Variants in SPATA13 observed in about 807,000 individuals in gnomAD.
SPATA13 encodes the protein spermatogenesis associated 13, also known as spermatogenesis-associated protein 13.
In SPATA13, 50 loss-of-function variants were observed where a neutral mutation model predicts 104.0. That is an observed-to-expected ratio of 0.48 (90% CI 0.38 to 0.61). The LOEUF is 0.61. Among genes scored for constraint, SPATA13 ranks in the 20% least tolerant of loss-of-function variants. The pLI, the probability that SPATA13 is intolerant of heterozygous loss-of-function variation, is 0.00. For missense variants in SPATA13, 1,524 were observed against 1,690.6 expected (o/e 0.90, Z 1.73); for synonymous variants, 606 against 667.5 (o/e 0.91, Z 1.42).
intron 3 of SPATA13, among the ~76,000 whole-genome samples, chr13:24,152,873 G>A (rs1241247658): frequency 1.3e-5 from 2 of 152,054 alleles, no homozygotes; most frequent in Non-Finnish European, 2.9e-5. Context: ...TCCCTCAAAT[G>A]TTCAGAACTC....
At chr13:24,037,282 A>G (rs996694717) in intron 3 of SPATA13, among the ~76,000 whole-genome samples, 27 of 151,736 alleles carry the variant, frequency 1.8e-4, no homozygotes, top group Admixed American at 1.6e-3. Flanking sequence ...CAGCACACCA[A>G]CATGGCACAT....
At chr13:24,103,486 A>AG (rs1880325862) in intron 3 of SPATA13, among the ~76,000 whole-genome samples, 1 of 145,242 alleles carries the variant, frequency 6.9e-6, no homozygotes, top group South Asian at 2.2e-4. Flanking sequence ...CCCTGTCTCA[A>AG]AAAAAAAAAA....
At chr13:24,035,099 G>A (rs755229971) in intron 3 of SPATA13, 1 of 152,140 alleles carries the variant, frequency 6.6e-6, no homozygotes, top group Non-Finnish European at 1.5e-5. Flanking sequence ...CACATTCATA[G>A]TAAAAGTCTA....
intron 2 of SPATA13, among the ~76,000 whole-genome samples, chr13:24,237,043 G>A (rs776449325): frequency 6.6e-6 from 1 of 152,248 alleles, no homozygotes; most frequent in African/African-American, 2.4e-5. Flanking sequence ...CATATACTGC[G>A]GAATATTATT....
At chr13:24,171,160 C>T (rs775639296) in intron 1 of SPATA13, among the ~76,000 whole-genome samples, 5 of 152,106 alleles carry the variant, frequency 3.3e-5, no homozygotes, top group African/African-American at 7.2e-5. Flanking sequence ...GTTCAACAGC[C>T]GCTGACTGCT....
In SPATA13 at chr13:24,030,093, CAT is replaced by C. The variant is rs202116079; in HGVS notation, c.-112+12394_-112+12395del. ...ACACACACACACACACACACACATA[CAT>C]ACATACATACATATACCCTCCCCTA... On this transcript the variant is annotated intron_variant, in intron 3 of 14. Coordinates refer to the SPATA13 transcript ENST00000424834. 6.5e-3 allele frequency among the ~76,000 whole-genome samples: 986 copies of C among 151,304 alleles called. 23 individuals are homozygous for C. Among genetic ancestry groups the C allele is most frequent in the Admixed American group, 0.047 (709 of 15,146 alleles).
At chr13:24,188,755 C>T (rs546645801) in intron 1 of SPATA13, among the ~76,000 whole-genome samples, 169 of 151,732 alleles carry the variant, frequency 1.1e-3, no homozygotes, top group Non-Finnish European at 2.1e-3. Context: ...AAGAAGATGC[C>T]ATTCTAGGAT....
chr13:24,194,259 G>A (rs1024154557), intron 1 of SPATA13, among the ~76,000 whole-genome samples: 1 of 152,156 alleles, frequency 6.6e-6, no homozygotes, highest in Non-Finnish European at 1.5e-5. Context: ...AGCTAAAATC[G>A]TCCTGAATGT....
intron 9 of SPATA13, among the ~76,000 whole-genome samples, chr13:24,292,774 G>C (rs1250640203): frequency 6.6e-6 from 1 of 152,004 alleles, no homozygotes; most frequent in African/African-American, 2.4e-5. Flanking sequence ...GAAACGGGTG[G>C]ATCACATGAG....
At chr13:24,066,189 A>G (rs1327078286) in intron 3 of SPATA13, among the ~76,000 whole-genome samples, 1 of 152,164 alleles carries the variant, frequency 6.6e-6, no homozygotes, top group East Asian at 1.9e-4. Flanking sequence ...AATGGGTAAG[A>G]CCAGGTGAGG....
intron 2 of SPATA13, among the ~76,000 whole-genome samples, chr13:23,999,193 C>T (rs974642677): frequency 6.6e-6 from 1 of 152,028 alleles, no homozygotes; most frequent in African/African-American, 2.4e-5. Flanking sequence ...TCCCAAAGTG[C>T]TGGGATTACA....
chr13:24,251,579 G>A, intron 3 of SPATA13, 139 bp from the exon 4 acceptor site: 4 of 1,503,204 alleles, frequency 2.7e-6, no homozygotes, highest in African/African-American at 1.4e-5. Context: ...CTTCGGTGCA[G>A]CCTGCAACTC....
intron 2 of SPATA13, among the ~76,000 whole-genome samples, chr13:23,988,167 A>G (rs1162608819): frequency 2.0e-5 from 3 of 151,144 alleles, no homozygotes; most frequent in Non-Finnish European, 3.0e-5. Context: ...CTGGTCTTGA[A>G]CTCCTGACCC....
chr13:24,035,152 A>G (rs1451406061), intron 3 of SPATA13: 3 of 152,162 alleles, frequency 2.0e-5, no homozygotes, highest in Non-Finnish European at 2.9e-5. Flanking sequence ...TTTACTTTCT[A>G]TATGTTTTTG....
chr13:24,209,584 G>C (rs80007660), intron 1 of SPATA13, among the ~76,000 whole-genome samples: 35,084 of 152,088 alleles, frequency 0.23, 4,424 homozygotes, highest in South Asian at 0.3. Context: ...CAGTGTTGCT[G>C]CAAATGACAG....
intron 3 of SPATA13, among the ~76,000 whole-genome samples, chr13:24,142,613 G>A (rs1881797720): frequency 6.6e-6 from 1 of 152,076 alleles, no homozygotes; most frequent in South Asian, 2.1e-4. Flanking sequence ...TTTTCTTTAA[G>A]AGGTAATTAC....
At chr13:24,218,891 T>G (rs1871409243) in intron 1 of SPATA13, among the ~76,000 whole-genome samples, 1 of 152,006 alleles carries the variant, frequency 6.6e-6, no homozygotes, top group Non-Finnish European at 1.5e-5. Context: ...CTGTTCTATA[T>G]TCCTGAATTT....
At chr13:24,137,723 C>A (rs1435714120) in intron 3 of SPATA13, among the ~76,000 whole-genome samples, 1 of 152,158 alleles carries the variant, frequency 6.6e-6, no homozygotes, top group South Asian at 2.1e-4. Context: ...CATGCTAATG[C>A]ACTCCAGCCT....
intron 2 of SPATA13, among the ~76,000 whole-genome samples, chr13:24,246,926 G>A (rs183989044): frequency 4.6e-5 from 7 of 152,266 alleles, no homozygotes; most frequent in East Asian, 1.9e-4. Context: ...TTACTAGGCC[G>A]GGAGAAGAGA....
Sources: gnomAD v4.1 joint callset for allele counts (sites outside exome capture counted in the v4.1 genomes callset) on GRCh38, gnomAD v4.1.1 for gene constraint, MANE v1.5 for transcripts, NCBI Gene and HGNC (gene_info 2026-07-23, HGNC 2026-07-21) for gene names.